Variants in EBF2 observed in about 807,000 individuals in gnomAD.
The protein encoded by EBF2 is transcription factor COE2.
A neutral mutation model predicts 72.8 loss-of-function variants in EBF2; 21 were observed. That is an observed-to-expected ratio of 0.29 (90% CI 0.20 to 0.42). The LOEUF (loss-of-function observed/expected upper bound fraction) is 0.42. EBF2 is among the 10% of genes least tolerant of loss of function. The pLI, the probability that EBF2 is intolerant of heterozygous loss-of-function variation, is 1.00. For synonymous variants in EBF2, 299 were observed against 274.2 expected (o/e 1.09, Z -0.89); for missense variants, 637 against 731.2 (o/e 0.87, Z 1.49).
intron 6 of EBF2, among the ~76,000 whole-genome samples, chr8:25,984,551 G>A (rs960199168): frequency 2.0e-5 from 3 of 152,094 alleles, no homozygotes; most frequent in Non-Finnish European, 2.9e-5. Flanking sequence ...GCCTGGTGGC[G>A]CACGCCTGCA....
chr8:26,027,569 T>C (rs1367686252), intron 6 of EBF2, among the ~76,000 whole-genome samples: 1 of 78 alleles, frequency 0.013, no homozygotes, highest in Non-Finnish European at 0.026. Context: ...GAAGTTCCTT[T>C]TAAAAATGAA....
intron 10 of EBF2, among the ~76,000 whole-genome samples, chr8:25,866,508 G>T (rs1802320500): frequency 2.2e-5 from 3 of 133,836 alleles, no homozygotes; most frequent in South Asian, 2.2e-4. Context: ...ATAATATATA[G>T]GACATATATA....
chr8:25,853,074 C>T (rs576428887), intron 14 of EBF2, among the ~76,000 whole-genome samples: 6 of 152,230 alleles, frequency 3.9e-5, no homozygotes, highest in Admixed American at 3.9e-4. Context: ...TGGAAAAATA[C>T]ACTAACCATT....
chr8:26,029,298 G>A (rs889985488), intron 6 of EBF2, among the ~76,000 whole-genome samples: 3 of 152,212 alleles, frequency 2.0e-5, no homozygotes, highest in Admixed American at 6.5e-5. Flanking sequence ...CCAAGTCAGT[G>A]TGGTAACACT....
chr8:25,846,529 A>T (rs1801839587), intron 15 of EBF2, among the ~76,000 whole-genome samples: 1 of 152,106 alleles, frequency 6.6e-6, no homozygotes, highest in Non-Finnish European at 1.5e-5. Context: ...CTCTACAAAA[A>T]ATACAAAACA....
Position 26,040,090 on chromosome 8 carries a change from G to A in EBF2, c.420C>T (p.Tyr140=), listed in dbSNP as rs1410231458. 2 of 1,613,764 alleles carry A rather than the reference G, an allele frequency of 1.2e-6. No homozygotes were observed. Among genetic ancestry groups the A allele is most frequent in the Non-Finnish European group, 1.7e-6 (2 of 1,179,922 alleles). ...TTTCCGGATTCTTATTCTGTCCCTC[G>A]TAAGCGATGGGCTGTGAAGGAGGTA... ...IDSVTKQPIA[Y]EGQNKNPEMC... The change falls in exon 5 of 16, where the codon TAC becomes TAT. Residue 140 remains tyrosine (Y), a synonymous_variant. Coordinates refer to ENST00000520164, the MANE Select transcript of EBF2 (RefSeq NM_022659.4).
chr8:25,860,483 A>G (rs1408589511), intron 13 of EBF2, among the ~76,000 whole-genome samples: 1 of 150,840 alleles, frequency 6.6e-6, no homozygotes, highest in Admixed American at 6.6e-5. Flanking sequence ...GATAATACCC[A>G]ATCCTTTTTT....
intron 5 of EBF2, among the ~76,000 whole-genome samples, chr8:26,038,138 C>T (rs966569438): frequency 1.3e-5 from 2 of 152,192 alleles, no homozygotes; most frequent in African/African-American, 4.8e-5. Flanking sequence ...CTTTTGGATG[C>T]ATCTAATATT....
Position 25,866,640 on chromosome 8 carries a change from T to A in EBF2, c.1010-3843A>T, listed in dbSNP as rs1322476104. On this transcript the variant is annotated intron_variant, in intron 10 of 15. Coordinates refer to ENST00000520164, the MANE Select transcript of EBF2 (RefSeq NM_022659.4). ...TATATTATATATATATATATATTTT[T>A]TTTTTTTTTGAGACAAAGTCTTGCT... is the stretch of plus-strand genomic sequence containing the variant. Among the ~76,000 whole-genome samples, 458 of 140,972 alleles carry A rather than the reference T, an allele frequency of 3.2e-3. 8 individuals are homozygous for A. Among genetic ancestry groups the A allele is most frequent in the African/African-American group, 8.8e-3 (334 of 37,810 alleles). The allele number at this position is 140,972 out of a possible 152,430, so 92.5% of individuals were successfully genotyped here.
chr8:25,888,113 C>G, intron 8 of EBF2, 141 bp from the exon 9 acceptor site: 1 of 909,610 alleles, frequency 1.1e-6, no homozygotes, highest in Non-Finnish European at 1.6e-6. Flanking sequence ...GATGAGCTAA[C>G]AAACAACAAA....
At chr8:25,992,696 A>T (rs930791571) in intron 6 of EBF2, among the ~76,000 whole-genome samples, 7 of 151,600 alleles carry the variant, frequency 4.6e-5, no homozygotes, top group African/African-American at 1.7e-4. Flanking sequence ...TGAGCTCAGG[A>T]GTTCGAGACC....
intron 7 of EBF2, among the ~76,000 whole-genome samples, chr8:25,896,767 C>G (rs1174946896): frequency 6.6e-6 from 1 of 152,156 alleles, no homozygotes; most frequent in African/African-American, 2.4e-5. Flanking sequence ...TACACAATCC[C>G]GAATTCTCAT....
chr8:25,945,061 A>G (rs990497156), intron 6 of EBF2, among the ~76,000 whole-genome samples: 41 of 151,468 alleles, frequency 2.7e-4, no homozygotes, highest in African/African-American at 9.2e-4. Flanking sequence ...TGGGACAATT[A>G]TTCAAGCGTG....
chr8:25,884,019 G>A (rs1371099043), intron 10 of EBF2, among the ~76,000 whole-genome samples: 4 of 152,108 alleles, frequency 2.6e-5, no homozygotes, highest in Non-Finnish European at 5.9e-5. Flanking sequence ...ATATCATGGT[G>A]ATCTCCTCTG....
At chr8:25,992,882 C>T (rs1175251621) in intron 6 of EBF2, among the ~76,000 whole-genome samples, 2 of 141,592 alleles carry the variant, frequency 1.4e-5, no homozygotes, top group African/African-American at 5.3e-5. Context: ...GCCTAGGCGA[C>T]AAGAATGAGG....
chr8:25,905,775 T>C (rs1296276813), intron 7 of EBF2, among the ~76,000 whole-genome samples: 4 of 152,326 alleles, frequency 2.6e-5, no homozygotes, highest in Admixed American at 2.0e-4. Flanking sequence ...ACTTTGAATG[T>C]ACTAAAAACC....
At chr8:25,941,737 C>T (rs867761576) in intron 6 of EBF2, among the ~76,000 whole-genome samples, 3 of 152,116 alleles carry the variant, frequency 2.0e-5, no homozygotes, top group South Asian at 2.1e-4. Context: ...TGTCAGAGAG[C>T]CCGACCCACA....
chr8:25,958,581 A>C (rs532442811), intron 6 of EBF2, among the ~76,000 whole-genome samples: 13 of 151,888 alleles, frequency 8.6e-5, no homozygotes, highest in Non-Finnish European at 1.9e-4. Context: ...ATTTCCATTC[A>C]TTTACTCTTG....
intron 10 of EBF2, among the ~76,000 whole-genome samples, chr8:25,882,115 C>T (rs1024761535): frequency 6.6e-6 from 1 of 152,128 alleles, no homozygotes; most frequent in African/African-American, 2.4e-5. Flanking sequence ...AAGCCGCCTA[C>T]GGAAGGCTAA....
Sources: gnomAD v4.1 joint callset for allele counts (sites outside exome capture counted in the v4.1 genomes callset) on GRCh38, gnomAD v4.1.1 for gene constraint, MANE v1.5 for transcripts, NCBI Gene and HGNC (gene_info 2026-07-23, HGNC 2026-07-21) for gene names.